MAML3: variants seen among roughly 807,000 people sequenced by gnomAD.
MAML3 encodes mastermind like transcriptional coactivator 3.
In MAML3, 27 loss-of-function variants were observed where a neutral mutation model predicts 101.9. The observed-to-expected ratio is 0.27, with a 90% CI of 0.20 to 0.37. The LOEUF is 0.37. Ranked by LOEUF, MAML3 falls within the 10% of genes least tolerant of loss-of-function variation. The probability of loss-of-function intolerance (pLI) is 1.00; values close to 1 mark genes in which losing one functional copy is unlikely to be tolerated. For missense variants in MAML3, 1,316 were observed against 1,444.9 expected (o/e 0.91, Z 1.45); for synonymous variants, 501 against 555.9 (o/e 0.90, Z 1.39).
chr4:139,723,182 G>T (rs1560768897), intron 4 of MAML3, among the ~76,000 whole-genome samples: 1 of 152,222 alleles, frequency 6.6e-6, no homozygotes, highest in Admixed American at 6.5e-5. Context: ...GGAAAAGTCA[G>T]CTTCAAAAAC....
In MAML3 at chr4:139,728,589, G is replaced by T. The variant is rs75949157; in HGVS notation, c.2331+1827C>A. 4.7e-3 allele frequency among the ~76,000 whole-genome samples: 709 copies of T among 152,296 alleles called. 8 individuals carry two copies. Among genetic ancestry groups the T allele is most frequent in the African/African-American group, 0.016 (666 of 41,558 alleles). On this transcript the variant is annotated intron_variant, in intron 3 of 4. Transcript: ENST00000509479. Reference sequence around the variant, plus strand: ...GACAAATCTTGGCCCTGAGGAAAGTGATCCTCCCCTCATCCCTCATCATCT... The same window carrying T: ...GACAAATCTTGGCCCTGAGGAAAGTTATCCTCCCCTCATCCCTCATCATCT...
intron 1 of MAML3, among the ~76,000 whole-genome samples, chr4:139,991,088 C>G (rs1168777359): frequency 1.3e-5 from 2 of 152,142 alleles, no homozygotes; most frequent in Non-Finnish European, 2.9e-5. Flanking sequence ...GAGCCCGCAT[C>G]TCCAAGTCAA....
chr4:140,124,973 A>G (rs972104769), intron 1 of MAML3, among the ~76,000 whole-genome samples: 2 of 152,200 alleles, frequency 1.3e-5, no homozygotes, highest in Non-Finnish European at 2.9e-5. Flanking sequence ...AGAAGCAACA[A>G]ATTCTTCCAA....
chr4:139,786,605 A>G (rs1730307842), intron 2 of MAML3, among the ~76,000 whole-genome samples: 2 of 152,210 alleles, frequency 1.3e-5, no homozygotes, highest in South Asian at 4.1e-4. Flanking sequence ...TGGCCCTTCA[A>G]ATAAATCTCT....
intron 1 of MAML3, among the ~76,000 whole-genome samples, chr4:139,986,059 A>G (rs561509789): frequency 2.0e-4 from 31 of 152,318 alleles, no homozygotes; most frequent in African/African-American, 6.3e-4. Context: ...TTCCAGCTCT[A>G]TGGAAAGCAG....
In MAML3 at chr4:140,146,896, G is replaced by T. The variant is rs556866873; in HGVS notation, c.468+5964C>A. On this transcript the variant is annotated intron_variant, in intron 1 of 4. Transcript: ENST00000509479. ...CACACCTGTAATCCCAGCACTTTGG[G>T]AGGCTGAGGTGGGCAGATCACAAGG... 3.3e-5 allele frequency among the ~76,000 whole-genome samples: 5 copies of T among 152,218 alleles called. No individual in the cohort carries two copies. The South Asian group carries it at 6.2e-4, about 19-fold the overall frequency.
intron 2 of MAML3, among the ~76,000 whole-genome samples, chr4:139,779,529 G>A (rs1429898832): frequency 6.6e-6 from 1 of 152,106 alleles, no homozygotes. Flanking sequence ...GTTTGAGAAT[G>A]GTCAGTAAAA....
intron 1 of MAML3, among the ~76,000 whole-genome samples, chr4:139,902,902 G>A (rs1267789473): frequency 6.6e-6 from 1 of 152,176 alleles, no homozygotes; most frequent in East Asian, 1.9e-4. Flanking sequence ...CCTTTAAGAC[G>A]TGGCAGCCTA....
At chr4:140,043,901 C>T (rs894543339) in intron 1 of MAML3, among the ~76,000 whole-genome samples, 3 of 152,164 alleles carry the variant, frequency 2.0e-5, no homozygotes, top group Admixed American at 2.0e-4. Flanking sequence ...ACTGACATCA[C>T]TGTTAATACC....
At chr4:139,922,287 TC>T (rs1733144270) in intron 1 of MAML3, among the ~76,000 whole-genome samples, 2 of 152,170 alleles carry the variant, frequency 1.3e-5, no homozygotes, top group Non-Finnish European at 2.9e-5. Flanking sequence ...CCCTCCACCT[TC>T]TCACTCACCT....
intron 1 of MAML3, among the ~76,000 whole-genome samples, chr4:140,079,574 G>A (rs555731855): frequency 2.6e-5 from 4 of 152,266 alleles, no homozygotes; most frequent in East Asian, 3.9e-4. Context: ...GATTACAGGC[G>A]TGAGCCACCA....
intron 1 of MAML3, among the ~76,000 whole-genome samples, chr4:140,025,660 G>A (rs1235002479): frequency 6.6e-6 from 1 of 152,142 alleles, no homozygotes; most frequent in East Asian, 1.9e-4. Flanking sequence ...AGGAAGACAA[G>A]AGAAACACAG....
intron 1 of MAML3, among the ~76,000 whole-genome samples, chr4:140,150,403 G>C (rs1729138584): frequency 6.6e-6 from 1 of 152,142 alleles, no homozygotes; most frequent in African/African-American, 2.4e-5. Context: ...CACCAGGGCG[G>C]AAACCAGAGA....
chr4:139,833,832 T>A (rs1354610198), intron 2 of MAML3, among the ~76,000 whole-genome samples: 2 of 152,040 alleles, frequency 1.3e-5, no homozygotes, highest in Non-Finnish European at 2.9e-5. Context: ...CTCCACCAGC[T>A]CTTCAGAAGA....
At chr4:139,837,701 C>T (rs1382847394) in intron 2 of MAML3, among the ~76,000 whole-genome samples, 1 of 152,094 alleles carries the variant, frequency 6.6e-6, no homozygotes, top group Admixed American at 6.5e-5. Flanking sequence ...AGGCGGATCA[C>T]CTGAGGTCAG....
intron 2 of MAML3, among the ~76,000 whole-genome samples, chr4:139,876,708 G>T (rs1481104588): frequency 6.6e-6 from 1 of 152,232 alleles, no homozygotes; most frequent in Admixed American, 6.5e-5. Context: ...GGCTGCCACC[G>T]ATGGCTGTGC....
chr4:140,048,668 C>T (rs1045993627), intron 1 of MAML3, among the ~76,000 whole-genome samples: 8 of 152,214 alleles, frequency 5.3e-5, no homozygotes, highest in African/African-American at 1.2e-4. Context: ...ATACCACTGG[C>T]TGTCTATACT....
Position 139,735,383 on chromosome 4 carries a change from A to G in MAML3, c.2080-4716T>C, listed in dbSNP as rs1366102148. ...CTTTTCTTCCAGCCGGAGGGGAGGA[A>G]GAATTCAAGTGGGGGAGGGCGCGGG... is the stretch of plus-strand genomic sequence containing the variant. On this transcript the variant is annotated intron_variant, in intron 2 of 4. Coordinates refer to ENST00000509479, the MANE Select transcript of MAML3 (RefSeq NM_018717.5). This position sits in a 1 kb window ranked among gnomAD's most constrained non-coding sequence, Gnocchi z 5.8. Among the ~76,000 whole-genome samples, 1 of 148,018 alleles carries G rather than the reference A, an allele frequency of 6.8e-6. No homozygotes were observed. The highest frequency in any genetic ancestry group is 2.5e-5 in the African/African-American group (1 of 40,774).
intron 2 of MAML3, among the ~76,000 whole-genome samples, chr4:139,775,237 A>G (rs1231321905): frequency 1.3e-5 from 2 of 152,178 alleles, no homozygotes; most frequent in Non-Finnish European, 2.9e-5. Context: ...AGTTACTCAC[A>G]CAATAAACAG....
Sources: allele counts gnomAD v4.1 joint callset (sites outside exome capture counted in the v4.1 genomes callset), GRCh38; gene constraint gnomAD v4.1.1; non-coding constraint Gnocchi (gnomAD v3.1); transcripts MANE v1.5; gene names NCBI Gene and HGNC (gene_info 2026-07-23, HGNC 2026-07-21).